SAMMSON: variants seen among roughly 807,000 people sequenced by gnomAD.
SAMMSON encodes the protein long intergenic non-protein coding RNA 1212.
intron 9 of SAMMSON, among the ~76,000 whole-genome samples, chr3:70,371,561 G>T (rs1051294447): frequency 1.5e-4 from 23 of 151,752 alleles, no homozygotes; most frequent in Admixed American, 3.9e-4. Context: ...CCACTTCCTT[G>T]GTTAAATTTA....
At chr3:70,294,103 G>A (rs536431163) in intron 7 of SAMMSON, among the ~76,000 whole-genome samples, 2 of 152,136 alleles carry the variant, frequency 1.3e-5, no homozygotes, top group African/African-American at 4.8e-5. Context: ...ACTCATCTAA[G>A]TTTCCTATTC....
chr3:70,005,192 G>T (rs2066921993), intron 1 of SAMMSON, among the ~76,000 whole-genome samples: 2 of 152,254 alleles, frequency 1.3e-5, no homozygotes, highest in Admixed American at 6.5e-5. Flanking sequence ...TTACCTGAAA[G>T]TCTGTGGTTA....
intron 7 of SAMMSON, among the ~76,000 whole-genome samples, chr3:70,311,608 T>TAA (rs750077746): frequency 2.6e-5 from 4 of 152,140 alleles, no homozygotes; most frequent in Admixed American, 6.6e-5. Flanking sequence ...ACCTCACAGA[T>TAA]AATATAAGTC....
At chr3:70,292,349 A>G (rs1485249136) in intron 7 of SAMMSON, among the ~76,000 whole-genome samples, 1 of 152,140 alleles carries the variant, frequency 6.6e-6, no homozygotes, top group Non-Finnish European at 1.5e-5. Context: ...ATTACTATAC[A>G]TATCTTGTTG....
chr3:70,326,349 A>G (rs1476300321), intron 7 of SAMMSON, among the ~76,000 whole-genome samples: 3 of 152,170 alleles, frequency 2.0e-5, no homozygotes, highest in South Asian at 2.1e-4. Flanking sequence ...TACTTTTCCA[A>G]TCTATTAAAT....
intron 2 of SAMMSON, among the ~76,000 whole-genome samples, chr3:70,417,595 C>T (rs1049130009): frequency 3.3e-5 from 5 of 152,172 alleles, no homozygotes; most frequent in African/African-American, 1.2e-4. Context: ...GATCCAGGAG[C>T]TCAGCTACGA....
At chr3:70,047,821 G>A (rs148531103) in intron 3 of SAMMSON, among the ~76,000 whole-genome samples, 46 of 152,204 alleles carry the variant, frequency 3.0e-4, no homozygotes, top group Admixed American at 9.8e-4. Flanking sequence ...GCAAGAGAGC[G>A]TGAATGTTGA....
At chr3:70,093,081 T>C (rs1470470747) in intron 4 of SAMMSON, among the ~76,000 whole-genome samples, 1 of 152,080 alleles carries the variant, frequency 6.6e-6, no homozygotes, top group East Asian at 1.9e-4. Flanking sequence ...TCCTCATATT[T>C]CAAACCCTTG....
intron 2 of SAMMSON, among the ~76,000 whole-genome samples, chr3:70,406,555 T>C (rs986610406): frequency 2.6e-5 from 4 of 152,180 alleles, no homozygotes; most frequent in Non-Finnish European, 5.9e-5. Flanking sequence ...ATAGCATATA[T>C]AGAAATAAAA....
intron 4 of SAMMSON, among the ~76,000 whole-genome samples, chr3:70,115,377 T>C (rs2067406478): frequency 2.0e-5 from 3 of 152,038 alleles, no homozygotes; most frequent in Admixed American, 2.0e-4. Flanking sequence ...AGTAAAGAGA[T>C]TTTCAAAAAG....
intron 4 of SAMMSON, among the ~76,000 whole-genome samples, chr3:70,121,208 G>T (rs1221155438): frequency 6.6e-6 from 1 of 152,206 alleles, no homozygotes; most frequent in Non-Finnish European, 1.5e-5. Flanking sequence ...ATGGGGAGCA[G>T]CTGTAAACAC....
chr3:70,266,559 G>GGACT, intron 6 of SAMMSON, among the ~76,000 whole-genome samples: 1 of 151,778 alleles, frequency 6.6e-6, no homozygotes, highest in East Asian at 1.9e-4. Flanking sequence ...CGAGTAGCTG[G>GGACT]GACTACAGGC....
downstream of SAMMSON, among the ~76,000 whole-genome samples, chr3:70,392,188 A>T (rs879797728): frequency 1.3e-5 from 2 of 152,184 alleles, no homozygotes; most frequent in Admixed American, 1.3e-4. Flanking sequence ...GTTCATAGTA[A>T]TCATAATAAT....
intron 6 of SAMMSON, among the ~76,000 whole-genome samples, chr3:70,264,927 G>T (rs1357233992): frequency 1.3e-5 from 2 of 152,136 alleles, no homozygotes; most frequent in African/African-American, 4.8e-5. Flanking sequence ...CACATGGCTG[G>T]GGATGCCTCA....
intron 6 of SAMMSON, among the ~76,000 whole-genome samples, chr3:70,261,203 G>A (rs1701862998): frequency 6.6e-6 from 1 of 152,146 alleles, no homozygotes; most frequent in African/African-American, 2.4e-5. Context: ...GACATTTGGT[G>A]GTCAAAGCTT....
chr3:70,190,722 A>G (rs1450371367), intron 4 of SAMMSON, among the ~76,000 whole-genome samples: 3 of 152,228 alleles, frequency 2.0e-5, no homozygotes, highest in African/African-American at 4.8e-5. Flanking sequence ...AGTGAAAGGC[A>G]TCAAGAAAGT....
At chr3:70,051,790 A>G (rs565207323) in intron 3 of SAMMSON, among the ~76,000 whole-genome samples, 57 of 152,184 alleles carry the variant, frequency 3.7e-4, no homozygotes, top group African/African-American at 1.3e-3. Flanking sequence ...GTAAAAAGTA[A>G]TATTTAATTT....
chr3:70,341,303 G>A (rs538954413), intron 7 of SAMMSON, among the ~76,000 whole-genome samples: 4 of 152,162 alleles, frequency 2.6e-5, no homozygotes, highest in Admixed American at 6.5e-5. Flanking sequence ...TGTCCCAGTA[G>A]CATCTAGGAC....
At chr3:70,323,805 C>G (rs898633914) in intron 7 of SAMMSON, among the ~76,000 whole-genome samples, 2 of 152,092 alleles carry the variant, frequency 1.3e-5, no homozygotes, top group African/African-American at 4.8e-5. Flanking sequence ...GCCCATTTTC[C>G]TCCTGGAGTC....
Sources: gnomAD v4.1 joint callset for allele counts (sites outside exome capture counted in the v4.1 genomes callset) on GRCh38, gnomAD v4.1.1 for gene constraint, MANE v1.5 for transcripts, NCBI Gene and HGNC (gene_info 2026-07-23, HGNC 2026-07-21) for gene names.